RAE1: variants seen among roughly 807,000 people sequenced by gnomAD.
The protein encoded by RAE1 is ribonucleic acid export 1, also known as mRNA export factor RAE1.
In RAE1, 13 loss-of-function variants were observed where a neutral mutation model predicts 52.7. The observed-to-expected ratio is 0.25, with a 90% CI of 0.16 to 0.39. RAE1 has a LOEUF of 0.39. Ranked by LOEUF, RAE1 falls within the 10% of genes least tolerant of loss-of-function variation. The probability of loss-of-function intolerance (pLI) is 1.00; values close to 1 mark genes in which losing one functional copy is unlikely to be tolerated. For missense variants in RAE1, 262 were observed against 459.8 expected (o/e 0.57, Z 3.93); for synonymous variants, 164 against 153.1 (o/e 1.07, Z -0.52).
chr20:57,352,259 A>G (rs1458067854), intron 1 of RAE1, among the ~76,000 whole-genome samples: 1 of 152,206 alleles, frequency 6.6e-6, no homozygotes, highest in Admixed American at 6.5e-5. Flanking sequence ...AATTTGGGAC[A>G]TTTTCATCAC....
intron 11 of RAE1, 41 bp downstream of exon 11, chr20:57,374,842 A>G (rs1027397784): frequency 6.2e-7 from 1 of 1,609,600 alleles, no homozygotes. Context: ...CCAAGGCAGC[A>G]GAGCCAGGCT....
intron 11 of RAE1, among the ~76,000 whole-genome samples, 192 bp from the exon 12 acceptor site, chr20:57,377,821 C>T (rs1298915692): frequency 6.6e-6 from 1 of 152,132 alleles, no homozygotes. Flanking sequence ...ACACTGGTAC[C>T]AACCACATCC....
chr20:57,364,524 A>AG (rs773949881), intron 4 of RAE1, among the ~76,000 whole-genome samples: 3 of 152,226 alleles, frequency 2.0e-5, no homozygotes, highest in Non-Finnish European at 4.4e-5. Context: ...AGTTTTTGCT[A>AG]GAGGAGAATG....
At chr20:57,375,296 G>A (rs180864687) in intron 11 of RAE1, among the ~76,000 whole-genome samples, 28 of 152,232 alleles carry the variant, frequency 1.8e-4, no homozygotes, top group Middle Eastern at 3.4e-3. Flanking sequence ...ACCAGCCTGC[G>A]TGTTTCTCCA....
chr20:57,373,814 C>A, intron 10 of RAE1, 76 bp downstream of exon 10: 1 of 1,429,544 alleles, frequency 7.0e-7, no homozygotes, highest in South Asian at 1.2e-5. Context: ...ATTGTGGGAT[C>A]AGAAAAGACT....
In RAE1 at chr20:57,357,260, G is replaced by A. The variant is rs149167837; in HGVS notation, c.288+722G>A. ...CCAAATTCTCTTCCTTCCTTTTGTC[G>A]TCAAATCCTTCCCAGCTCGCAGCCC... is the stretch of plus-strand genomic sequence containing the variant. On this transcript the variant is annotated intron_variant, in intron 4 of 11. Transcript: ENST00000395841. Among the ~76,000 whole-genome samples, 295 of 151,996 alleles carry A rather than the reference G, an allele frequency of 1.9e-3. 2 individuals are homozygous for A. Among genetic ancestry groups the A allele is most frequent in the African/African-American group, 5.9e-3 (245 of 41,360 alleles).
chr20:57,365,295 A>G lies in RAE1; in HGVS notation c.289-61A>G, dbSNP rs546636929. On this transcript the variant is annotated intron_variant, in intron 4 of 11. Coordinates refer to ENST00000395841, the MANE Select transcript of RAE1 (RefSeq NM_003610.4). ...AATATGTTCAACGTAGTATCTAAAT[A>G]TATATATAGTTAAAGATTTAATTTT... is the stretch of plus-strand genomic sequence containing the variant. The G allele has an allele frequency of 1.8e-4, 218 of 1,216,202 alleles. 2 individuals are homozygous for G. The highest frequency in any genetic ancestry group is 1.3e-5 in the South Asian group (1 of 74,460). 75.3% of individuals were successfully genotyped at this position (1,216,202 alleles called of 1,614,324 possible).
intron 8 of RAE1, chr20:57,372,532 A>C (rs1253070288): frequency 2.6e-5 from 4 of 152,266 alleles, no homozygotes; most frequent in African/African-American, 9.6e-5. Flanking sequence ...TCTGTCATCT[A>C]AGAACTTACA....
chr20:57,374,971 G>A (rs1169514160), intron 11 of RAE1, 170 bp downstream of exon 11: 3 of 780,470 alleles, frequency 3.8e-6, no homozygotes, highest in Non-Finnish European at 6.6e-6. Flanking sequence ...AAATGGTTGT[G>A]GGGATTCAGT....
intron 4 of RAE1, among the ~76,000 whole-genome samples, chr20:57,365,024 TAAG>T (rs1364504961): frequency 6.6e-6 from 1 of 152,170 alleles, no homozygotes; most frequent in Non-Finnish European, 1.5e-5. Context: ...TTTATCAAAA[TAAG>T]AAAAAAATTT....
At chr20:57,358,828 G>C (rs1172997147) in intron 4 of RAE1, 5 of 480,238 alleles carry the variant, frequency 1.0e-5, no homozygotes, top group African/African-American at 4.0e-5. Context: ...AGGTTGTTAG[G>C]AGGTTGAATT....
intron 7 of RAE1, among the ~76,000 whole-genome samples, chr20:57,367,739 C>CAAAAAAAAAAAAAAA (rs374097734): frequency 1.5e-5 from 1 of 68,120 alleles, no homozygotes; most frequent in Non-Finnish European, 3.2e-5. Context: ...GATACTATCT[C>CAAAAAAAAAAAAAAA]AAAAAAAAAA....
rs1339815732 is a variant in RAE1 at position 57,378,218 on chromosome 20, G to A, written c.*119G>A. ...ATGGACATGGATTTCAACCCCTGGA[G>A]AAAACGATGTCATTGTTCAGCAGCT... On this transcript the variant is annotated 3_prime_UTR_variant, in exon 12 of 12. Coordinates refer to ENST00000395841, the MANE Select transcript of RAE1 (RefSeq NM_003610.4). 1.2e-6 allele frequency: 1 copy of A among 808,458 alleles called. No individual in the cohort carries two copies. The highest frequency in any genetic ancestry group is 1.7e-5 in the African/African-American group (1 of 57,570). 50.1% of individuals were successfully genotyped at this position (808,458 alleles called of 1,614,324 possible). A position where few individuals can be genotyped will look rare whatever the true frequency, so the allele number is the denominator to read the frequency against.
In RAE1 at chr20:57,373,594, C is replaced by G. The variant is rs1568793505; in HGVS notation, c.749+13C>G. 6.2e-7 allele frequency: 1 copy of G among 1,613,420 alleles called. No homozygotes were observed. Among genetic ancestry groups the G allele is most frequent in the Non-Finnish European group, 8.5e-7 (1 of 1,179,326 alleles). On this transcript the variant is annotated intron_variant, in intron 9 of 11. Transcript: ENST00000395841. Reference sequence around the variant, plus strand: ...ACCCCCCGAACCCGTAAGTGTGACTCTGTCAGCTTGCAGATTTCACTGGAC... The same window carrying G: ...ACCCCCCGAACCCGTAAGTGTGACTGTGTCAGCTTGCAGATTTCACTGGAC...
chr20:57,357,002 G>GCACC (rs1257664052), intron 4 of RAE1, among the ~76,000 whole-genome samples: 217 of 152,326 alleles, frequency 1.4e-3, no homozygotes, highest in African/African-American at 5.0e-3. Flanking sequence ...GCTGCTGGTG[G>GCACC]CTGAACCCAA....
chr20:57,359,953 T>C (rs1568782694), intron 4 of RAE1: 1 of 152,208 alleles, frequency 6.6e-6, no homozygotes, highest in African/African-American at 2.4e-5. Flanking sequence ...ATTAAGATAG[T>C]TTGATAATAT....
chr20:57,368,912 GTA>G (rs2146165432), intron 8 of RAE1, 100 bp downstream of exon 8: 1 of 976,914 alleles, frequency 1.0e-6, no homozygotes, highest in East Asian at 2.6e-5. Flanking sequence ...AAACCTGTAA[GTA>G]TGTTCAAAGA....
At chr20:57,376,776 C>T (rs763242754) in intron 11 of RAE1, among the ~76,000 whole-genome samples, 5 of 152,218 alleles carry the variant, frequency 3.3e-5, no homozygotes, top group Non-Finnish European at 7.3e-5. Context: ...GCATACTCAT[C>T]CCAGCAGCTG....
rs994099738 is a variant in RAE1 at position 57,378,949 on chromosome 20, G to C, written c.*850G>C. On this transcript the variant is annotated 3_prime_UTR_variant, in exon 12 of 12. Transcript: ENST00000395841. ...GTAGTGGTTGTTTGGCTGTTCTTTT[G>C]TATTTTGTGTAATTTAAAATTCCTG... 1.3e-5 allele frequency: 2 copies of C among 152,180 alleles called. No individual in the cohort carries two copies. The highest frequency in any genetic ancestry group is 3.9e-4 in the East Asian group (2 of 5,194). 9.4% of individuals were successfully genotyped at this position (152,180 alleles called of 1,614,324 possible).
Sources: allele counts gnomAD v4.1 joint callset (sites outside exome capture counted in the v4.1 genomes callset), GRCh38; gene constraint gnomAD v4.1.1; transcripts MANE v1.5; gene names NCBI Gene and HGNC (gene_info 2026-07-23, HGNC 2026-07-21).